TSHZ2: variants seen among roughly 807,000 people sequenced by gnomAD.
The protein encoded by TSHZ2 is teashirt homolog 2.
A neutral mutation model predicts 74.4 loss-of-function variants in TSHZ2; 21 were observed. The ratio of observed to expected loss-of-function variants is 0.28; its 90% CI spans 0.20 to 0.41. TSHZ2 has a LOEUF of 0.41. TSHZ2 is among the 10% of genes least tolerant of loss of function. The pLI is 1.00. For missense variants in TSHZ2, 1,244 were observed against 1,293.5 expected (o/e 0.96, Z 0.59); for synonymous variants, 540 against 515.3 (o/e 1.05, Z -0.65).
intron 2 of TSHZ2, among the ~76,000 whole-genome samples, chr20:53,417,443 C>G (rs1316976471): frequency 6.6e-6 from 1 of 152,062 alleles, no homozygotes; most frequent in Non-Finnish European, 1.5e-5. Flanking sequence ...AATACAGGTG[C>G]ATACCATCAC....
intron 1 of TSHZ2, among the ~76,000 whole-genome samples, chr20:53,025,925 A>C (rs1983424350): frequency 6.6e-6 from 1 of 151,996 alleles, no homozygotes; most frequent in Non-Finnish European, 1.5e-5. Context: ...GTTCTCTTTC[A>C]CCCAGACAGT....
chr20:53,378,947 TA>T (rs1203835178), intron 2 of TSHZ2, among the ~76,000 whole-genome samples: 1 of 152,230 alleles, frequency 6.6e-6, no homozygotes, highest in Non-Finnish European at 1.5e-5. Context: ...AACACTGGAA[TA>T]AATGTTTCCT....
chr20:53,328,844 A>G (rs565923572), intron 2 of TSHZ2, among the ~76,000 whole-genome samples: 17 of 152,296 alleles, frequency 1.1e-4, no homozygotes, highest in African/African-American at 4.1e-4. Flanking sequence ...GTGGAATATC[A>G]ATTTTTTTAA....
chr20:53,072,250 C>CT (rs1036663809), intron 1 of TSHZ2, among the ~76,000 whole-genome samples: 10 of 152,214 alleles, frequency 6.6e-5, no homozygotes, highest in African/African-American at 1.7e-4. Context: ...ACATTAAGGA[C>CT]TTTTTTTAAA....
intron 2 of TSHZ2, among the ~76,000 whole-genome samples, chr20:53,381,286 C>T (rs1981850651): frequency 6.6e-6 from 1 of 152,224 alleles, no homozygotes; most frequent in South Asian, 2.1e-4. Context: ...TACTGTACAT[C>T]ATCCACAAAG....
At chr20:53,134,207 T>C (rs1480271230) in intron 1 of TSHZ2, among the ~76,000 whole-genome samples, 1 of 152,190 alleles carries the variant, frequency 6.6e-6, no homozygotes, top group African/African-American at 2.4e-5. Flanking sequence ...AGAAGTGCTC[T>C]GAAAACCCCA....
chr20:53,221,130 ACC>A (rs1288702628), intron 1 of TSHZ2, among the ~76,000 whole-genome samples: 2 of 151,640 alleles, frequency 1.3e-5, no homozygotes, highest in Non-Finnish European at 2.9e-5. Flanking sequence ...ATATGGGGAA[ACC>A]CCTTTTGCTT....
intron 2 of TSHZ2, among the ~76,000 whole-genome samples, chr20:53,482,108 T>TTAAA (rs1447358622): frequency 1.3e-5 from 1 of 74,332 alleles, no homozygotes; most frequent in African/African-American, 4.8e-5. Flanking sequence ...CTCCATCTCA[T>TTAAA]AAAAAAAAAA....
intron 1 of TSHZ2, among the ~76,000 whole-genome samples, chr20:53,150,775 GA>G (rs1304607267): frequency 2.0e-5 from 3 of 152,022 alleles, no homozygotes; most frequent in Non-Finnish European, 4.4e-5. Context: ...AAAAAGAGAA[GA>G]AAAGGAAGGG....
intron 1 of TSHZ2, among the ~76,000 whole-genome samples, chr20:53,121,900 C>T (rs929935373): frequency 6.6e-6 from 1 of 151,914 alleles, no homozygotes. Flanking sequence ...GAAATGAGAT[C>T]GTCTATTGAT....
chr20:53,070,949 C>G (rs1985154236), intron 1 of TSHZ2, among the ~76,000 whole-genome samples: 1 of 152,144 alleles, frequency 6.6e-6, no homozygotes, highest in African/African-American at 2.4e-5. Context: ...TGAACAATTA[C>G]TAGACACTGA....
intron 1 of TSHZ2, among the ~76,000 whole-genome samples, chr20:53,228,399 G>T (rs1379069857): frequency 6.6e-6 from 1 of 152,166 alleles, no homozygotes; most frequent in Non-Finnish European, 1.5e-5. Context: ...AATTATAACT[G>T]CTGAGAGTTA....
intron 1 of TSHZ2, among the ~76,000 whole-genome samples, chr20:53,191,191 G>T (rs562396629): frequency 2.6e-5 from 4 of 151,812 alleles, no homozygotes; most frequent in Non-Finnish European, 4.4e-5. Flanking sequence ...ACATTATTAC[G>T]TATTGTATTG....
chr20:53,327,775 G>A (rs1017761718), intron 2 of TSHZ2, among the ~76,000 whole-genome samples: 4 of 152,334 alleles, frequency 2.6e-5, no homozygotes, highest in East Asian at 1.9e-4. Flanking sequence ...TTCAGGGTAC[G>A]ATAAGAGCTT....
chr20:53,181,357 T>G (rs1174608652), intron 1 of TSHZ2, among the ~76,000 whole-genome samples: 1 of 152,220 alleles, frequency 6.6e-6, no homozygotes, highest in Admixed American at 6.5e-5. Context: ...GGGGTGTAAT[T>G]GCTGCTGTGT....
intron 1 of TSHZ2, among the ~76,000 whole-genome samples, chr20:53,001,445 C>A (rs1385976643): frequency 6.6e-6 from 1 of 152,018 alleles, no homozygotes; most frequent in Non-Finnish European, 1.5e-5. Flanking sequence ...CCTGTTTGAA[C>A]AACTAGTGTT....
chr20:53,131,836 A>G (rs1410366165), intron 1 of TSHZ2, among the ~76,000 whole-genome samples: 1 of 119,668 alleles, frequency 8.4e-6, no homozygotes, highest in Non-Finnish European at 1.8e-5. Flanking sequence ...CCCCCCCCCA[A>G]AAAAAAAAAG....
At chr20:53,291,190 G>T (rs1165768916) in intron 2 of TSHZ2, among the ~76,000 whole-genome samples, 2 of 152,162 alleles carry the variant, frequency 1.3e-5, no homozygotes, top group African/African-American at 4.8e-5. Context: ...ATCAAGAGCA[G>T]GCTGGGAGCG....
At chr20:53,418,745 C>A (rs896951076) in intron 2 of TSHZ2, among the ~76,000 whole-genome samples, 1 of 152,088 alleles carries the variant, frequency 6.6e-6, no homozygotes, top group African/African-American at 2.4e-5. Context: ...GAGTCCATGC[C>A]AAAAGTTAGA....
Sources: gnomAD v4.1 joint callset for allele counts (sites outside exome capture counted in the v4.1 genomes callset) on GRCh38, gnomAD v4.1.1 for gene constraint, MANE v1.5 for transcripts, NCBI Gene and HGNC (gene_info 2026-07-23, HGNC 2026-07-21) for gene names.